The following DGKH variants were observed in gnomAD, a reference collection of about 807,000 sequenced individuals.
DGKH encodes diacylglycerol kinase eta, also known as DAG kinase eta.
Under a neutral mutation model 159.3 loss-of-function variants are expected in DGKH, and 90 were observed. The observed-to-expected ratio is 0.57, with a 90% CI of 0.48 to 0.67. DGKH has a LOEUF of 0.67. DGKH is among the 30% of genes least tolerant of loss of function. DGKH has a pLI of 0.00. For missense variants in DGKH, 1,181 were observed against 1,506.1 expected (o/e 0.78, Z 3.57); for synonymous variants, 536 against 553.8 (o/e 0.97, Z 0.45).
chr13:42,048,831 G>A lies in DGKH; in HGVS notation c.58G>A (p.Gly20Arg). 1.5e-6 allele frequency: 2 copies of A among 1,343,358 alleles called. No homozygotes were observed. Among genetic ancestry groups the A allele is most frequent in the Non-Finnish European group, 9.6e-7 (1 of 1,044,990 alleles). The allele number at this position is 1,343,358 out of a possible 1,614,324, so 83.2% of individuals were successfully genotyped here. Residue 20 changes from glycine to arginine, a missense_variant, in exon 1 of 30, where the codon GGA becomes AGA. By Grantham distance (125) the Gly-to-Arg change is moderately radical (BLOSUM62 -2). Transcript: ENST00000337343. The surrounding 1 kb of genome is among the most constrained non-coding windows in gnomAD (Gnocchi z 6.7). ...GGGCGCCGCTGGAGGAGCGGCCGCC[G>A]GAGCCGGCGCCGCGGTCACCTCCGC... ...PPGAAGGAAA[G>R]AGAAVTSAAA...
At chr13:42,181,360 T>C (rs1956758503) in intron 13 of DGKH, 1 of 154,950 alleles carries the variant, frequency 6.5e-6, no homozygotes, top group Non-Finnish European at 1.5e-5. Flanking sequence ...GAGGAGAGGC[T>C]TAACTGCTGG....
At chr13:42,046,236 A>G (rs1253406713), upstream of DGKH, among the ~76,000 whole-genome samples, 2 of 152,254 alleles carry the variant, frequency 1.3e-5, no homozygotes, top group Non-Finnish European at 2.9e-5. Context: ...AAATAATGTA[A>G]GATACCACAT....
At chr13:42,132,895 G>C (rs766603840) in intron 3 of DGKH, among the ~76,000 whole-genome samples, 1 of 152,022 alleles carries the variant, frequency 6.6e-6, no homozygotes, top group South Asian at 2.1e-4. Flanking sequence ...TTGGCCGGGC[G>C]TGATGGCTCA....
intron 7 of DGKH, among the ~76,000 whole-genome samples, chr13:42,163,066 C>T (rs1320011643): frequency 3.9e-4 from 57 of 146,974 alleles, no homozygotes; most frequent in African/African-American, 1.3e-3. Context: ...CCTGTGTCCA[C>T]GTGTTCTCAT....
intron 30 of DGKH, among the ~76,000 whole-genome samples, chr13:42,255,595 TTGG>T (rs1958651610): frequency 1.3e-5 from 2 of 152,058 alleles, no homozygotes; most frequent in Non-Finnish European, 2.9e-5. Flanking sequence ...TTTAAGAAAG[TTGG>T]TGGTTAAAAA....
At chr13:42,092,975 GCTCACA>G (rs1459734068) in intron 1 of DGKH, among the ~76,000 whole-genome samples, 13 of 152,096 alleles carry the variant, frequency 8.5e-5, no homozygotes, top group Admixed American at 3.3e-4. Flanking sequence ...GGGCACAGTG[GCTCACA>G]CCTAAAATCC....
intron 1 of DGKH, among the ~76,000 whole-genome samples, chr13:42,057,794 A>G (rs910677790): frequency 6.6e-6 from 1 of 152,226 alleles, no homozygotes; most frequent in Non-Finnish European, 1.5e-5. Flanking sequence ...GTATATGAGA[A>G]GGTGATAAGT....
chr13:42,190,961 C>T (rs930231138), intron 16 of DGKH, among the ~76,000 whole-genome samples: 1 of 152,202 alleles, frequency 6.6e-6, no homozygotes, highest in Non-Finnish European at 1.5e-5. Flanking sequence ...TAAGTTCCAT[C>T]GATCAACCTT....
chr13:42,071,102 C>T (rs993608822), intron 1 of DGKH: 1 of 944,042 alleles, frequency 1.1e-6, no homozygotes, highest in South Asian at 1.9e-5. Flanking sequence ...ACTTTGAAAC[C>T]CTTATGATTG....
intron 6 of DGKH, among the ~76,000 whole-genome samples, chr13:42,159,735 A>G (rs1448039678): frequency 6.6e-6 from 1 of 152,178 alleles, no homozygotes; most frequent in Non-Finnish European, 1.5e-5. Context: ...CACCATGCAT[A>G]TGGATTTCTG....
In DGKH at chr13:42,237,401, A is replaced by G. The variant is rs78376836; in HGVS notation, c.*8213A>G. 18 of 45,934 alleles carry G rather than the reference A, an allele frequency of 3.9e-4. No homozygotes were observed. The East Asian group carries it at 4.8e-3, about 12-fold the overall frequency. 2.8% of individuals were successfully genotyped at this position (45,934 alleles called of 1,614,324 possible). On this transcript the variant is annotated 3_prime_UTR_variant, in exon 30 of 30. Coordinates refer to ENST00000337343, the MANE Select transcript of DGKH (RefSeq NM_178009.5). ...CACAAGCAGTTATTGGAAGTGGGGG[A>G]AAAAAAGAAAACTGGTGAGAGAAAT...
rs796264711 is a variant in DGKH, at chr13:42,121,271, CA to C, written c.193-6190del. 6.6e-5 allele frequency among the ~76,000 whole-genome samples: 10 copies of C among 152,232 alleles called. 1 individual carries two copies. The highest frequency in any genetic ancestry group is 2.4e-4 in the African/African-American group (10 of 41,532). On this transcript the variant is annotated intron_variant, in intron 1 of 29. Coordinates refer to ENST00000337343, the MANE Select transcript of DGKH (RefSeq NM_178009.5). ...GTGATATTCAATTACATGAGATATT[CA>C]ATACTTTATTAGAAAATAGGCTTTG... is the stretch of plus-strand genomic sequence containing the variant.
At chr13:42,181,036 G>A (rs1956739983) in intron 13 of DGKH, among the ~76,000 whole-genome samples, 1 of 152,002 alleles carries the variant, frequency 6.6e-6, no homozygotes, top group African/African-American at 2.4e-5. Context: ...CAGCACTTTG[G>A]AAGGCCGAGG....
At chr13:42,050,276 C>T (rs1045469846) in intron 1 of DGKH, among the ~76,000 whole-genome samples, 4 of 152,130 alleles carry the variant, frequency 2.6e-5, no homozygotes, top group African/African-American at 4.8e-5. Context: ...GAGGCTGAGG[C>T]AGGAGAATCG....
rs114345629 is a variant in DGKH at position 42,231,372 on chromosome 13, T to C, written c.*2184T>C. The C allele has an allele frequency of 2.6e-5, 4 of 151,882 alleles. No individual in the cohort carries two copies. Among genetic ancestry groups the C allele is most frequent in the African/African-American group, 7.3e-5 (3 of 41,318 alleles). The allele number at this position is 151,882 out of a possible 1,614,324, so 9.4% of individuals were successfully genotyped here. On this transcript the variant is annotated 3_prime_UTR_variant, in exon 30 of 30. Coordinates refer to ENST00000337343, the MANE Select transcript of DGKH (RefSeq NM_178009.5). The stretch of plus-strand genomic sequence containing the variant: ...CTCCCATCTCAATCTCAAAAAAAAA[T>C]AGTCATGAATTATGCAATTATTCTA...
At chr13:42,099,683 G>C (rs1954616696) in intron 1 of DGKH, among the ~76,000 whole-genome samples, 1 of 152,178 alleles carries the variant, frequency 6.6e-6, no homozygotes, top group African/African-American at 2.4e-5. Context: ...CAACTATTTT[G>C]CAACCGAATG....
At chr13:42,204,480 T>G (rs1466979836) in intron 20 of DGKH, among the ~76,000 whole-genome samples, 1 of 152,208 alleles carries the variant, frequency 6.6e-6, no homozygotes, top group Admixed American at 6.5e-5. Context: ...ATCCTGGCCT[T>G]CATCCATTAC....
At chr13:42,185,777 A>G (rs1053904784) in intron 13 of DGKH, among the ~76,000 whole-genome samples, 1 of 152,250 alleles carries the variant, frequency 6.6e-6, no homozygotes, top group Non-Finnish European at 1.5e-5. Flanking sequence ...CATGAAGTAC[A>G]TGAATGCATG....
intron 1 of DGKH, among the ~76,000 whole-genome samples, chr13:42,095,156 CTTT>C (rs776422302): frequency 3.9e-5 from 3 of 76,812 alleles, no homozygotes; most frequent in African/African-American, 5.5e-5. Context: ...ATGTTGACTC[CTTT>C]TTTTTTTTTT....
Sources: gnomAD v4.1 joint callset for allele counts (sites outside exome capture counted in the v4.1 genomes callset) on GRCh38, gnomAD v4.1.1 for gene constraint, Gnocchi (gnomAD v3.1) non-coding constraint, MANE v1.5 for transcripts, NCBI Gene and HGNC (gene_info 2026-07-23, HGNC 2026-07-21) for gene names.